The following KCNH8 variants were observed in gnomAD, a reference collection of about 807,000 sequenced individuals.
KCNH8 encodes potassium voltage-gated channel subfamily H member 8.
KCNH8 carries 70 observed loss-of-function variants against 103.6 expected under a neutral mutation model. That is an observed-to-expected ratio of 0.68 (90% CI 0.56 to 0.82). The LOEUF (loss-of-function observed/expected upper bound fraction) is 0.82. KCNH8 is among the 40% of genes least tolerant of loss of function. The probability of loss-of-function intolerance (pLI) is 0.00; values close to 1 mark genes in which losing one functional copy is unlikely to be tolerated. For synonymous variants in KCNH8, 498 were observed against 489.4 expected (o/e 1.02, Z -0.23); for missense variants, 1,217 against 1,329.9 (o/e 0.92, Z 1.32).
At chr3:19,514,616 A>AGAC (rs2068842651) in intron 13 of KCNH8, among the ~76,000 whole-genome samples, 2 of 151,614 alleles carry the variant, frequency 1.3e-5, no homozygotes, top group Non-Finnish European at 2.9e-5. Flanking sequence ...TTTCTACAAT[A>AGAC]GACTTTTTTT....
Position 19,450,681 on chromosome 3 carries a change from GT to G in KCNH8, c.1575+378del, listed in dbSNP as rs2125183323. 26 of 291,970 alleles carry G rather than the reference GT, an allele frequency of 8.9e-5. No individual in the cohort carries two copies. In the South Asian group the frequency reaches 9.1e-4, roughly 10 times the overall value. The allele number at this position is 291,970 out of a possible 1,614,324, so 18.1% of individuals were successfully genotyped here. ...AAAGTTAAAAAATTCCATCAAAGGG[GT>G]TATCTTTATACTTCCAGAAACACCC... On this transcript the variant is annotated intron_variant, in intron 9 of 15. Coordinates refer to ENST00000328405, the MANE Select transcript of KCNH8 (RefSeq NM_144633.3).
At chr3:19,324,859 A>G (rs1424537408) in intron 3 of KCNH8, among the ~76,000 whole-genome samples, 2 of 152,218 alleles carry the variant, frequency 1.3e-5, no homozygotes, top group African/African-American at 4.8e-5. Flanking sequence ...TGTGGAACCA[A>G]AAAAGGGCCC....
At position 19,298,815 on chromosome 3, in the gene KCNH8, G is replaced by A. The variant is rs564091839; in HGVS notation, c.442+17486G>A. 1.8e-4 allele frequency among the ~76,000 whole-genome samples: 27 copies of A among 151,884 alleles called. 2 individuals are homozygous for A. In the East Asian group the frequency reaches 3.1e-3, roughly 17 times the overall value. ...CGGGTGCCTGTAGTCCCAGCTACTC[G>A]GGAGGCTGAGGCAGGGGAATGGCGT... On this transcript the variant is annotated intron_variant, in intron 3 of 15. Coordinates refer to ENST00000328405, the MANE Select transcript of KCNH8 (RefSeq NM_144633.3).
At position 19,272,488 on chromosome 3, in the gene KCNH8, G is replaced by T. The variant is rs2064602992; in HGVS notation, c.311-8710G>T. Among the ~76,000 whole-genome samples the T allele has an allele frequency of 2.0e-5, 3 of 151,996 alleles. No individual in the cohort carries two copies. The South Asian group carries it at 6.2e-4, about 32-fold the overall frequency. On this transcript the variant is annotated intron_variant, in intron 2 of 15. Transcript: ENST00000328405. ...CTGCTTCTAGCCAATGATTGAGTGA[G>T]GCAGGGTTGCTAAGACAGGTCTGTT...
intron 7 of KCNH8, among the ~76,000 whole-genome samples, chr3:19,432,658 C>T (rs1216403671): frequency 6.6e-6 from 1 of 151,966 alleles, no homozygotes; most frequent in Admixed American, 6.6e-5. Context: ...AATGTATGTC[C>T]CACAAACCTA....
At position 19,510,358 on chromosome 3, in the gene KCNH8, T is replaced by G; in HGVS notation, c.2041-5T>G. 2 of 1,565,860 alleles carry G rather than the reference T, an allele frequency of 1.3e-6. No individual in the cohort carries two copies. Among genetic ancestry groups the G allele is most frequent in the Non-Finnish European group, 1.8e-6 (2 of 1,136,218 alleles). ...AATGATTAATACTTCTGTTTGTTCT[T>G]TCAGGTGATATCAAGACTATCAAAC... On this transcript the variant is annotated splice_region_variant and splice_polypyrimidine_tract_variant and intron_variant, in intron 11 of 15. Coordinates refer to ENST00000328405, the MANE Select transcript of KCNH8 (RefSeq NM_144633.3).
chr3:19,153,101 C>T (rs1233381526), intron 1 of KCNH8, among the ~76,000 whole-genome samples: 1 of 152,104 alleles, frequency 6.6e-6, no homozygotes, highest in African/African-American at 2.4e-5. Context: ...TACCCATTAT[C>T]ATACTCTTGA....
rs1559457062 is a variant in KCNH8, at chr3:19,281,246, A to G, written c.359A>G (p.Lys120Arg). 1 of 1,611,872 alleles carries G rather than the reference A, an allele frequency of 6.2e-7. No homozygotes were observed. The highest frequency in any genetic ancestry group is 1.7e-5 in the Admixed American group (1 of 59,892). ...LLDIVPIKNE[K>R]GDVVLFLASF... ...GATATTGTTCCCATAAAGAATGAAA[A>G]AGGAGATGTAGTACTTTTTCTGGCC... Residue 120 changes from lysine to arginine, a missense_variant, in exon 3 of 16, where the codon AAA becomes AGA. Lys to Arg is a conservative substitution (Grantham distance 26). This residue lies in a region of KCNH8 where 244 missense variants were observed against 256.8 expected (regional missense o/e 0.95). Transcript: ENST00000328405.
At position 19,448,037 on chromosome 3, in the gene KCNH8, G is replaced by C. The variant is rs146703802; in HGVS notation, c.1376-2069G>C. On this transcript the variant is annotated intron_variant, in intron 8 of 15. Coordinates refer to ENST00000328405, the MANE Select transcript of KCNH8 (RefSeq NM_144633.3). Reference sequence around the variant, plus strand: ...GGTTGCAGGAAAACCTTAAATCTGAGTCATTTTCCCCAAATTTAATTGCAT... The same window carrying C: ...GGTTGCAGGAAAACCTTAAATCTGACTCATTTTCCCCAAATTTAATTGCAT... 4.5e-3 allele frequency among the ~76,000 whole-genome samples: 677 copies of C among 151,968 alleles called. 6 individuals carry two copies. The highest frequency in any genetic ancestry group is 0.02 in the South Asian group (94 of 4,802).
At chr3:19,202,028 A>G (rs2125218406) in intron 1 of KCNH8, among the ~76,000 whole-genome samples, 1 of 152,286 alleles carries the variant, frequency 6.6e-6, no homozygotes, top group African/African-American at 2.4e-5. Context: ...CACTAATTTT[A>G]GAGATAAAAT....
intron 11 of KCNH8, among the ~76,000 whole-genome samples, chr3:19,476,163 A>G (rs1402837429): frequency 6.6e-6 from 1 of 152,176 alleles, no homozygotes; most frequent in Admixed American, 6.6e-5. Context: ...ACCCTCTATT[A>G]GCCCTCTTCT....
At chr3:19,374,126 C>T (rs1433990329) in intron 5 of KCNH8, among the ~76,000 whole-genome samples, 12 of 150,802 alleles carry the variant, frequency 8.0e-5, no homozygotes, top group African/African-American at 1.5e-4. Flanking sequence ...CTATTAGGTC[C>T]ACTTGGTGCA....
rs1258604008 is a variant in KCNH8, at chr3:19,342,576, T to C, written c.443-11T>C. ...ATGCATGTGTGTCTAATGAGTTTTA[T>C]TTTCCCCCAGACAAAGTCAAAGGAA... On this transcript the variant is annotated splice_polypyrimidine_tract_variant and intron_variant, in intron 3 of 15. Coordinates refer to ENST00000328405, the MANE Select transcript of KCNH8 (RefSeq NM_144633.3). The C allele has an allele frequency of 1.0e-5, 16 of 1,607,020 alleles. No individual in the cohort carries two copies. The highest frequency in any genetic ancestry group is 1.3e-5 in the Non-Finnish European group (15 of 1,175,706).
intron 10 of KCNH8, among the ~76,000 whole-genome samples, chr3:19,454,766 A>G (rs535077754): frequency 7.4e-4 from 113 of 152,254 alleles, no homozygotes; most frequent in African/African-American, 2.4e-3. Context: ...TGTGATTAAC[A>G]TGGGTAATAT....
chr3:19,403,699 C>A (rs1262224098), intron 7 of KCNH8, among the ~76,000 whole-genome samples: 8 of 151,426 alleles, frequency 5.3e-5, no homozygotes, highest in Non-Finnish European at 1.2e-4. Context: ...ATATTTTTAA[C>A]CAAAACAGAC....
intron 11 of KCNH8, among the ~76,000 whole-genome samples, chr3:19,487,175 G>C (rs941838292): frequency 7.9e-5 from 12 of 152,180 alleles, no homozygotes; most frequent in Non-Finnish European, 1.8e-4. Flanking sequence ...GTACTGAGTA[G>C]TCACACCTGA....
chr3:19,222,155 C>T (rs1160278567), intron 1 of KCNH8, among the ~76,000 whole-genome samples: 1 of 152,094 alleles, frequency 6.6e-6, no homozygotes, highest in East Asian at 1.9e-4. Flanking sequence ...GGCCTAGCAT[C>T]CTATATTTAT....
At chr3:19,210,655 GT>G (rs1249967793) in intron 1 of KCNH8, among the ~76,000 whole-genome samples, 3 of 151,806 alleles carry the variant, frequency 2.0e-5, no homozygotes, top group Non-Finnish European at 2.9e-5. Flanking sequence ...CTGCTTTAGT[GT>G]TACAGAAGGT....
intron 7 of KCNH8, among the ~76,000 whole-genome samples, chr3:19,435,879 GT>G (rs1162117140): frequency 6.6e-6 from 1 of 152,104 alleles, no homozygotes; most frequent in Non-Finnish European, 1.5e-5. Context: ...GAACACATCT[GT>G]TGTATAAAAC....
Sources: gnomAD v4.1 joint callset for allele counts (sites outside exome capture counted in the v4.1 genomes callset) on GRCh38, gnomAD v4.1.1 for gene constraint, gnomAD v4.1.1 regional missense constraint, MANE v1.5 for transcripts, NCBI Gene and HGNC (gene_info 2026-07-23, HGNC 2026-07-21) for gene names.